DIP2B: variants seen among roughly 807,000 people sequenced by gnomAD.
DIP2B encodes the protein disco-interacting protein 2 homolog B.
A neutral mutation model predicts 198.0 loss-of-function variants in DIP2B; 76 were observed. That is an observed-to-expected ratio of 0.38 (90% confidence interval 0.32 to 0.46). The LOEUF (loss-of-function observed/expected upper bound fraction) is 0.46. DIP2B is among the 20% of genes least tolerant of loss of function. The pLI, the probability that DIP2B is intolerant of heterozygous loss-of-function variation, is 0.99. For missense variants in DIP2B, 1,559 were observed against 1,978.4 expected (o/e 0.79, Z 4.02); for synonymous variants, 701 against 739.1 (o/e 0.95, Z 0.84).
intron 4 of DIP2B, among the ~76,000 whole-genome samples, chr12:50,660,864 T>G (rs1565862091): frequency 6.6e-6 from 1 of 152,120 alleles, no homozygotes; most frequent in African/African-American, 2.4e-5. Context: ...GTTAATGTAT[T>G]TTGTACACAT....
In DIP2B at chr12:50,695,327, C is replaced by T; in HGVS notation, c.1780C>T (p.Leu594Phe). Residue 594 changes from leucine to phenylalanine, a missense_variant, in exon 15 of 38, where the codon CTC (leucine) becomes TTC (phenylalanine). Coordinates refer to ENST00000301180, the MANE Select transcript of DIP2B (RefSeq NM_173602.3). ...VPYSVMKTCP[L>F]SWVQRVHAHK... is the part of the protein sequence containing the mutation. ...CTACTCTGTTATGAAAACCTGTCCT[C>T]TCTCTTGGGTCCAAAGAGTACATGC... The T allele has an allele frequency of 6.2e-7, 1 of 1,614,102 alleles. No individual in the cohort carries two copies. Among genetic ancestry groups the T allele is most frequent in the Non-Finnish European group, 8.5e-7 (1 of 1,179,970 alleles).
intron 3 of DIP2B, chr12:50,656,936 T>TTA (rs1938564604): frequency 1.3e-5 from 2 of 152,094 alleles, no homozygotes; most frequent in Non-Finnish European, 2.9e-5. Context: ...AGCTATAAAA[T>TTA]TATCATATTG....
chr12:50,585,024 T>C (rs1261006257), intron 1 of DIP2B, among the ~76,000 whole-genome samples: 1 of 152,222 alleles, frequency 6.6e-6, no homozygotes, highest in East Asian at 1.9e-4. Flanking sequence ...TTGTCCTCTT[T>C]CACAGCAGGA....
intron 1 of DIP2B, among the ~76,000 whole-genome samples, chr12:50,613,716 G>A (rs578094194): frequency 6.6e-6 from 1 of 152,236 alleles, no homozygotes; most frequent in African/African-American, 2.4e-5. Flanking sequence ...ACAGATCAGC[G>A]CAGATACCAC....
rs1006096471 is a variant in DIP2B, at chr12:50,698,225, A to T, written c.2049-103A>T. On this transcript the variant is annotated intron_variant, in intron 17 of 37. Transcript: ENST00000301180. ...ATATTTTTGGGAGAGAAAATGGAGA[A>T]TTTTTTTGGTATTGTAGCCAGAGGA... 16 of 1,412,966 alleles carry T rather than the reference A, an allele frequency of 1.1e-5. No individual in the cohort carries two copies. In the African/African-American group the frequency reaches 2.2e-4, roughly 19 times the overall value. The allele number at this position is 1,412,966 out of a possible 1,614,324, so 87.5% of individuals were successfully genotyped here. A position where few individuals can be genotyped will look rare whatever the true frequency, so the allele number is the denominator to read the frequency against.
Position 50,698,310 on chromosome 12 carries a change from A to T in DIP2B, c.2049-18A>T. 1.2e-6 allele frequency: 2 copies of T among 1,602,362 alleles called. No individual in the cohort carries two copies. Among genetic ancestry groups the T allele is most frequent in the South Asian group, 1.1e-5 (1 of 88,696 alleles). On this transcript the variant is annotated intron_variant, in intron 17 of 37. Coordinates refer to ENST00000301180, the MANE Select transcript of DIP2B (RefSeq NM_173602.3). ...GATGTTATTTCATTCACCAAACTTG[A>T]TGGGTTCTTCTTTTCAGGCCTGGAG...
intron 12 of DIP2B, among the ~76,000 whole-genome samples, chr12:50,688,870 T>C (rs1592128693): frequency 6.6e-6 from 1 of 152,178 alleles, no homozygotes; most frequent in East Asian, 1.9e-4. Context: ...CTCCATTGTG[T>C]GGCTCTTGCT....
chr12:50,643,794 C>T (rs114667428), intron 3 of DIP2B, among the ~76,000 whole-genome samples: 10 of 152,138 alleles, frequency 6.6e-5, no homozygotes, highest in African/African-American at 2.4e-4. Flanking sequence ...AGAAGAGACC[C>T]GCAGCCCCTG....
At chr12:50,703,070 A>C (rs1939450548) in intron 19 of DIP2B, among the ~76,000 whole-genome samples, 1 of 151,996 alleles carries the variant, frequency 6.6e-6, no homozygotes, top group South Asian at 2.1e-4. Context: ...AAACGAATTA[A>C]AAATTAGCTA....
intron 28 of DIP2B, 43 bp from the exon 29 acceptor site, chr12:50,727,660 C>T (rs777552546): frequency 1.3e-6 from 2 of 1,546,136 alleles, no homozygotes; most frequent in Non-Finnish European, 1.8e-6. Flanking sequence ...TTTTCATGTT[C>T]CAGCATGTTG....
intron 12 of DIP2B, among the ~76,000 whole-genome samples, chr12:50,688,118 G>A (rs530943451): frequency 3.3e-5 from 5 of 151,882 alleles, no homozygotes; most frequent in South Asian, 2.1e-4. Flanking sequence ...AGGTTGAGGC[G>A]GGAGGATCAC....
chr12:50,727,746 C>G lies in DIP2B; in HGVS notation c.3444C>G (p.Pro1148=), dbSNP rs771267365. 1 of 1,614,182 alleles carries G rather than the reference C, an allele frequency of 6.2e-7. No individual in the cohort carries two copies. Among genetic ancestry groups the G allele is most frequent in the South Asian group, 1.1e-5 (1 of 91,086 alleles). The change falls in exon 29 of 38, where the codon CCC becomes CCG. Residue 1148 remains proline, a synonymous_variant. Transcript: ENST00000301180. ...RKRLPQLYKP[P]TPEMLAYLDF... is the part of the protein sequence containing the mutation. The stretch of plus-strand genomic sequence containing the variant: ...GGTTACCTCAGCTGTATAAACCGCC[C>G]ACTCCTGAGATGTTGGCATATCTTG...
chr12:50,627,270 G>T (rs1196306184), intron 2 of DIP2B, among the ~76,000 whole-genome samples: 1 of 152,152 alleles, frequency 6.6e-6, no homozygotes, highest in Non-Finnish European at 1.5e-5. Context: ...ACCACAGTTT[G>T]TTATCCGTAG....
intron 1 of DIP2B, among the ~76,000 whole-genome samples, chr12:50,521,489 C>CTTTTTTTTTTT (rs35971707): frequency 9.2e-5 from 9 of 98,250 alleles, no homozygotes; most frequent in African/African-American, 1.2e-4. Flanking sequence ...AGGTTTCTTT[C>CTTTTTTTTTTT]TTTTTTTTTT....
intron 1 of DIP2B, among the ~76,000 whole-genome samples, chr12:50,518,250 ATC>A (rs1958083575): frequency 6.9e-6 from 1 of 144,758 alleles, no homozygotes; most frequent in Admixed American, 7.0e-5. Context: ...TTGAGACAGA[ATC>A]TCTCTCTTAT....
At chr12:50,721,437 C>A (rs778219051) in intron 26 of DIP2B, 41 bp downstream of exon 26, 2 of 1,608,606 alleles carry the variant, frequency 1.2e-6, no homozygotes, top group Admixed American at 1.7e-5. Flanking sequence ...AGCTCCAATA[C>A]TAGACTGACT....
chr12:50,667,607 T>C (rs969084538), intron 4 of DIP2B, among the ~76,000 whole-genome samples: 2 of 152,206 alleles, frequency 1.3e-5, no homozygotes, highest in African/African-American at 2.4e-5. Flanking sequence ...TAGTTTCTTA[T>C]CTGTGACCAT....
At chr12:50,514,016 A>G (rs893504917) in intron 1 of DIP2B, among the ~76,000 whole-genome samples, 1 of 149,478 alleles carries the variant, frequency 6.7e-6, no homozygotes, top group African/African-American at 2.5e-5. Flanking sequence ...TAAAAATACT[A>G]CTTTTATTTA....
At chr12:50,736,886 G>T in intron 34 of DIP2B, 150 bp from the exon 35 acceptor site, 1 of 665,266 alleles carries the variant, frequency 1.5e-6, no homozygotes, top group Non-Finnish European at 2.7e-6. Context: ...TCTCTGCCAT[G>T]ATCCCCTCAG....
Sources: allele counts gnomAD v4.1 joint callset (sites outside exome capture counted in the v4.1 genomes callset), GRCh38; gene constraint gnomAD v4.1.1; transcripts MANE v1.5; gene names NCBI Gene and HGNC (gene_info 2026-07-23, HGNC 2026-07-21).